Variants in ZIM3 observed in about 807,000 individuals in gnomAD.
ZIM3 encodes the protein zinc finger imprinted 3.
ZIM3 carries 11 observed loss-of-function variants against 12.9 expected under a neutral mutation model. That is an observed-to-expected ratio of 0.85 (90% CI 0.54 to 1.41). The LOEUF is 1.41. Among genes scored for constraint, ZIM3 ranks in the 40% most tolerant of loss-of-function variants. The probability of loss-of-function intolerance (pLI) is 0.00; values close to 1 mark genes in which losing one functional copy is unlikely to be tolerated. For synonymous variants in ZIM3, 205 were observed against 198.5 expected (o/e 1.03, Z -0.28); for missense variants, 604 against 557.2 (o/e 1.08, Z -0.85).
intron 2 of ZIM3, among the ~76,000 whole-genome samples, chr19:57,139,745 A>C (rs2086905596): frequency 6.6e-6 from 1 of 152,164 alleles, no homozygotes; most frequent in Non-Finnish European, 1.5e-5. Context: ...ATACATAAAT[A>C]AGTAGAATAA....
Position 57,137,049 on chromosome 19 carries a change from C to T in ZIM3, c.143-78G>A, listed in dbSNP as rs1249587832. 30 of 1,344,132 alleles carry T rather than the reference C, an allele frequency of 2.2e-5. 1 individual carries two copies. In the Middle Eastern group the frequency reaches 5.4e-4, roughly 24 times the overall value. 83.3% of individuals were successfully genotyped at this position (1,344,132 alleles called of 1,614,324 possible). ...GTGCAAGTGTATGAGTGTATATAAG[C>T]GCTTGCGTATGCTTGTGTGAATATT... On this transcript the variant is annotated intron_variant, in intron 3 of 4. Coordinates refer to ENST00000269834, the MANE Select transcript of ZIM3 (RefSeq NM_052882.1).
chr19:57,135,348 G>A lies in ZIM3; in HGVS notation c.989C>T (p.Thr330Met), dbSNP rs199861211. The change falls in exon 5 of 5, where the codon ACG becomes ATG. Residue 330 changes from threonine to methionine, a missense_variant. Coordinates refer to ENST00000269834, the MANE Select transcript of ZIM3 (RefSeq NM_052882.1). ...GCTACATTTATAGGGTTTCTCTCCC[G>A]TGTGTATTCTCTGGTGTTTCACAAG... ...SDLVKHQRIH[T>M]GEKPYKCSIC... 355 of 1,613,922 alleles carry A rather than the reference G, an allele frequency of 2.2e-4. 2 individuals carry two copies. The East Asian group carries it at 4.2e-3, about 19-fold the overall frequency.
In ZIM3 at chr19:57,142,687, T is replaced by A; in HGVS notation, c.-42-2A>T. On this transcript the variant is annotated splice_acceptor_variant, in intron 1 of 4. Transcript: ENST00000269834. LOFTEE classifies it low-confidence loss of function (5UTR_SPLICE). The stretch of plus-strand genomic sequence containing the variant: ...CAGTAAAGTCTTGGGAAGGCAGATC[T>A]GAGGGAAAATGGAAAAGAACCATGA... 1 of 1,608,288 alleles carries A rather than the reference T, an allele frequency of 6.2e-7. No individual in the cohort carries two copies. The highest frequency in any genetic ancestry group is 1.1e-5 in the South Asian group (1 of 90,442).
intron 3 of ZIM3, 105 bp from the exon 4 acceptor site, chr19:57,137,076 G>A (rs2086890506): frequency 1.9e-6 from 2 of 1,036,702 alleles, no homozygotes; most frequent in African/African-American, 1.6e-5. Context: ...GTGAATATTT[G>A]TGTGTGAGTG....
Position 57,138,573 on chromosome 19 carries a change from G to C in ZIM3, c.41C>G (p.Thr14Ser), listed in dbSNP as rs2086900458. The change falls in exon 3 of 5, where the codon ACT becomes AGT. Residue 14 changes from threonine to serine, a missense_variant. By Grantham distance (58) the Thr-to-Ser change is moderately conservative. Transcript: ENST00000269834. ...CCACTCCCCCTGGGTGAAGTTCACA[G>C]TGACATCCTCGAAGGTCACTCTTCC... ...SQGRVTFEDV[T>S]VNFTQGEWQR... The C allele has an allele frequency of 1.9e-6, 3 of 1,614,056 alleles. No individual in the cohort carries two copies. The highest frequency in any genetic ancestry group is 2.5e-6 in the Non-Finnish European group (3 of 1,180,036).
Position 57,134,656 on chromosome 19 carries a change from A to G in ZIM3, c.*262T>C. 1 of 404,028 alleles carries G rather than the reference A, an allele frequency of 2.5e-6. No homozygotes were observed. The highest frequency in any genetic ancestry group is 4.2e-5 in the East Asian group (1 of 23,662). 25.0% of individuals were successfully genotyped at this position (404,028 alleles called of 1,614,324 possible). A position where few individuals can be genotyped will look rare whatever the true frequency, so the allele number is the denominator to read the frequency against. On this transcript the variant is annotated 3_prime_UTR_variant, in exon 5 of 5. Coordinates refer to ENST00000269834, the MANE Select transcript of ZIM3 (RefSeq NM_052882.1). The stretch of plus-strand genomic sequence containing the variant: ...TTATTCACTGGAATAAAACTCCATC[A>G]GGGTTTTAGCACATTTGGTTTATTG...
At chr19:57,143,192 G>A (rs8113055) in intron 1 of ZIM3, among the ~76,000 whole-genome samples, 98,363 of 151,026 alleles carry the variant, frequency 0.65, 32,353 homozygotes, top group South Asian at 0.77. Flanking sequence ...TTAGCCAGGC[G>A]TGGTGGCGGG....
intron 2 of ZIM3, among the ~76,000 whole-genome samples, chr19:57,140,351 A>G (rs533262645): frequency 2.0e-5 from 3 of 151,498 alleles, no homozygotes; most frequent in East Asian, 3.9e-4. Flanking sequence ...TAATTTTTGT[A>G]CTTTTAGTAG....
At position 57,135,587 on chromosome 19, in the gene ZIM3, G is replaced by C. The variant is rs769610282; in HGVS notation, c.750C>G (p.Pro250=). The C allele has an allele frequency of 6.2e-7, 1 of 1,613,988 alleles. No homozygotes were observed. Among genetic ancestry groups the C allele is most frequent in the Non-Finnish European group, 8.5e-7 (1 of 1,180,006 alleles). The change falls in exon 5 of 5, where the codon CCC becomes CCG. Residue 250 remains proline, a synonymous_variant. Coordinates refer to ENST00000269834, the MANE Select transcript of ZIM3 (RefSeq NM_052882.1). The stretch of plus-strand genomic sequence containing the variant: ...CTTTTCCACATGTCTTACACTGATA[G>C]GGTTTCTCTTTAGTATGCATTTTCT... ...QHQKMHTKEK[P]YQCKTCGKAF...
intron 2 of ZIM3, among the ~76,000 whole-genome samples, chr19:57,142,370 G>A (rs879542287): frequency 2.6e-5 from 4 of 151,928 alleles, no homozygotes; most frequent in Admixed American, 2.6e-4. Context: ...TCAAACTCCT[G>A]AACTCAAGCG....
At chr19:57,137,743 T>C (rs547936498) in intron 3 of ZIM3, among the ~76,000 whole-genome samples, 1 of 145,602 alleles carries the variant, frequency 6.9e-6, no homozygotes, top group South Asian at 2.1e-4. Context: ...GAGCTATGAT[T>C]GCACCACTGC....
intron 1 of ZIM3, among the ~76,000 whole-genome samples, chr19:57,143,309 C>T (rs187341484): frequency 0.01 from 1,485 of 146,254 alleles, 28 homozygotes; most frequent in African/African-American, 0.035. Flanking sequence ...CCAGCCTGGG[C>T]GACAGAGCGA....
chr19:57,144,170 G>A (rs2086927202), intron 1 of ZIM3, among the ~76,000 whole-genome samples: 1 of 151,992 alleles, frequency 6.6e-6, no homozygotes, highest in South Asian at 2.1e-4. Context: ...TCCTACCTTG[G>A]CCTCCTGAAT....
intron 3 of ZIM3, among the ~76,000 whole-genome samples, chr19:57,137,975 GAA>G (rs2086896087): frequency 1.3e-5 from 1 of 75,930 alleles, no homozygotes; most frequent in African/African-American, 6.3e-5. Flanking sequence ...AGGAAAGAAG[GAA>G]GGAAAGAAGG....
rs760726215 is a variant in ZIM3 at position 57,138,474 on chromosome 19, A to T, written c.140T>A (p.Val47Glu). Residue 47 changes from valine (V) to glutamate (E), a missense_variant and splice_region_variant, in exon 3 of 5, where the codon GTG becomes GAG. By Grantham distance (121) the Val-to-Glu change is moderately radical. Transcript: ENST00000269834. Reference protein sequence around the residue: ...MLENYSNLVSVGQGETTKPDV... With the variant: ...MLENYSNLVSEGQGETTKPDV... ...CCTGCCCGGGAAGCCGTCCTTACCCACAGAGACAAGGTTGCTGTAATTCTC... is the reference window on the plus strand; with the variant it reads ...CCTGCCCGGGAAGCCGTCCTTACCCTCAGAGACAAGGTTGCTGTAATTCTC... 2 of 1,614,004 alleles carry T rather than the reference A, an allele frequency of 1.2e-6. No individual in the cohort carries two copies. The highest frequency in any genetic ancestry group is 2.7e-5 in the African/African-American group (2 of 74,906).
rs753972145 is a variant in ZIM3, at chr19:57,142,624, C to T, written c.15+5G>A. 1 of 1,613,474 alleles carries T rather than the reference C, an allele frequency of 6.2e-7. No homozygotes were observed. Among genetic ancestry groups the T allele is most frequent in the Admixed American group, 1.7e-5 (1 of 59,944 alleles). ...ATGAGATTTAGATTTTTTTGAAAAGCTCACCTGGGAATTGTTCATTTCCTG... is the reference window on the plus strand; with the variant it reads ...ATGAGATTTAGATTTTTTTGAAAAGTTCACCTGGGAATTGTTCATTTCCTG... On this transcript the variant is annotated splice_donor_5th_base_variant and intron_variant, in intron 2 of 4. Transcript: ENST00000269834.
chr19:57,140,990 G>A (rs145127320), intron 2 of ZIM3, among the ~76,000 whole-genome samples: 106 of 152,252 alleles, frequency 7.0e-4, no homozygotes, highest in Non-Finnish European at 1.2e-3. Flanking sequence ...GTTGGGAGAG[G>A]ACACACATTC....
chr19:57,138,109 AGGC>A (rs1274783643), intron 3 of ZIM3, among the ~76,000 whole-genome samples: 2 of 64,902 alleles, frequency 3.1e-5, no homozygotes, highest in African/African-American at 1.1e-4. Context: ...GAAGGGAAGG[AGGC>A]AGGGAGGGAG....
At position 57,142,638 on chromosome 19, in the gene ZIM3, G is replaced by T. The variant is rs1297842613; in HGVS notation, c.6C>A (p.Asn2Lys). Residue 2 changes from asparagine to lysine, a missense_variant, in exon 2 of 5, where the codon AAC becomes AAA. Transcript: ENST00000269834. Reference sequence around the variant, plus strand: ...TTTTTGAAAAGCTCACCTGGGAATTGTTCATTTCCTGTTCTTCACCAGTCA... The same window carrying T: ...TTTTTGAAAAGCTCACCTGGGAATTTTTCATTTCCTGTTCTTCACCAGTCA... M[N>K]NSQGRVTFED... 6.2e-7 allele frequency: 1 copy of T among 1,613,660 alleles called. No homozygotes were observed.
Sources: gnomAD v4.1 joint callset for allele counts (sites outside exome capture counted in the v4.1 genomes callset) on GRCh38, gnomAD v4.1.1 for gene constraint, MANE v1.5 for transcripts, NCBI Gene and HGNC (gene_info 2026-07-23, HGNC 2026-07-21) for gene names.